IPO7: variants seen among roughly 807,000 people sequenced by gnomAD.
IPO7 encodes the protein importin 7.
In IPO7, 13 loss-of-function variants were observed where a neutral mutation model predicts 136.4. The ratio of observed to expected loss-of-function variants is 0.10; its 90% CI spans 0.06 to 0.15. IPO7 has a LOEUF of 0.15. Among genes scored for constraint, IPO7 ranks in the 10% least tolerant of loss-of-function variants. The pLI, the probability that IPO7 is intolerant of heterozygous loss-of-function variation, is 1.00. For missense variants in IPO7, 857 were observed against 1,240.6 expected (o/e 0.69, Z 4.65); for synonymous variants, 403 against 404.4 (o/e 1.00, Z 0.04).
intron 5 of IPO7, among the ~76,000 whole-genome samples, chr11:9,415,870 G>C (rs971605644): frequency 6.6e-6 from 1 of 151,978 alleles, no homozygotes; most frequent in Admixed American, 6.6e-5. Context: ...AAAAGAAATG[G>C]TTGGGTCAGT....
chr11:9,440,265 G>A (rs916504005), intron 22 of IPO7, among the ~76,000 whole-genome samples, 190 bp from the exon 23 acceptor site: 1 of 152,060 alleles, frequency 6.6e-6, no homozygotes, highest in South Asian at 2.1e-4. Context: ...AATCAAGGTT[G>A]GTTTTCTTGG....
intron 1 of IPO7, among the ~76,000 whole-genome samples, chr11:9,391,066 G>A (rs1283644472): frequency 3.3e-5 from 5 of 152,132 alleles, no homozygotes; most frequent in East Asian, 1.9e-4. Context: ...CACAGCGCCC[G>A]GCTGCTAAAT....
At chr11:9,395,953 C>G (rs556618829) in intron 1 of IPO7, among the ~76,000 whole-genome samples, 1 of 151,638 alleles carries the variant, frequency 6.6e-6, no homozygotes, top group Non-Finnish European at 1.5e-5. Context: ...GAACTCCTGA[C>G]CTCAGGTGAT....
At position 9,409,850 on chromosome 11, in the gene IPO7, A is replaced by G. The variant is rs911826168; in HGVS notation, c.321-78A>G. Reference sequence around the variant, plus strand: ...TTTTGAAATTAGATTTTGTCTAAACAGCTATTTTCCTTTCTATGGGTTAGC... The same window carrying G: ...TTTTGAAATTAGATTTTGTCTAAACGGCTATTTTCCTTTCTATGGGTTAGC... On this transcript the variant is annotated intron_variant, in intron 3 of 24. Coordinates refer to ENST00000379719, the MANE Select transcript of IPO7 (RefSeq NM_006391.3). 8.6e-6 allele frequency: 9 copies of G among 1,040,840 alleles called. No homozygotes were observed. In the Admixed American group the frequency reaches 8.8e-5, roughly 10 times the overall value. 64.5% of individuals were successfully genotyped at this position (1,040,840 alleles called of 1,614,324 possible).
rs773555364 is a variant in IPO7 at position 9,437,898 on chromosome 11, C to T, written c.2413C>T (p.Arg805Cys). Reference protein sequence around the residue: ...HLLLNTLENLRFPNNVEPVTN... With the variant: ...HLLLNTLENLCFPNNVEPVTN... ...ACTACTCAATACCTTAGAAAATCTT[C>T]GCTTCCCTAATAATGTTGAACCAGT... The change falls in exon 21 of 25, where the codon CGC (arginine) becomes TGC (cysteine). Residue 805 changes from arginine (R) to cysteine (C), a missense_variant. By Grantham distance (180) the Arg-to-Cys change is radical. This residue lies in a region of IPO7 where 190 missense variants were observed against 249.0 expected (regional missense o/e 0.76). Coordinates refer to ENST00000379719, the MANE Select transcript of IPO7 (RefSeq NM_006391.3). 1.1e-5 allele frequency: 17 copies of T among 1,613,666 alleles called. No individual in the cohort carries two copies. The highest frequency in any genetic ancestry group is 5.3e-5 in the African/African-American group (4 of 74,892).
chr11:9,402,399 CAAAAAAAAAAAAAAA>C (rs71062846), intron 1 of IPO7, among the ~76,000 whole-genome samples: 12 of 44,858 alleles, frequency 2.7e-4, no homozygotes, highest in African/African-American at 4.8e-4. Flanking sequence ...GACTGTGTCT[CAAAAAAAAAAAAAAA>C]AAAAAAAAAA....
intron 1 of IPO7, among the ~76,000 whole-genome samples, chr11:9,397,633 G>A (rs1233715821): frequency 6.6e-6 from 1 of 151,732 alleles, no homozygotes; most frequent in Non-Finnish European, 1.5e-5. Context: ...AAACTTCAGT[G>A]TTGGGATCTC....
At chr11:9,424,446 C>T (rs1235843300) in intron 10 of IPO7, among the ~76,000 whole-genome samples, 1 of 152,114 alleles carries the variant, frequency 6.6e-6, no homozygotes, top group African/African-American at 2.4e-5. Flanking sequence ...CATGGATTAA[C>T]ATTTAATTTT....
chr11:9,388,585 A>G (rs1002386178), intron 1 of IPO7, among the ~76,000 whole-genome samples: 13 of 150,598 alleles, frequency 8.6e-5, no homozygotes, highest in Non-Finnish European at 1.5e-4. Flanking sequence ...CTCAAGCAAC[A>G]CTCCCACTTC....
intron 2 of IPO7, among the ~76,000 whole-genome samples, chr11:9,406,172 C>T (rs1391669373): frequency 1.8e-5 from 2 of 112,712 alleles, no homozygotes; most frequent in African/African-American, 7.0e-5. Flanking sequence ...CGGCTGGTTT[C>T]GGCTTCCAAA....
chr11:9,429,638 G>T, intron 14 of IPO7, 36 bp from the exon 15 acceptor site: 1 of 1,558,730 alleles, frequency 6.4e-7, no homozygotes, highest in Non-Finnish European at 8.7e-7. Flanking sequence ...GAAGTTTTAG[G>T]GGTTTTACGC....
chr11:9,387,057 T>A (rs533749675), intron 1 of IPO7, among the ~76,000 whole-genome samples: 1 of 152,330 alleles, frequency 6.6e-6, no homozygotes, highest in South Asian at 2.1e-4. Context: ...GAACATTGAT[T>A]TGGGAGACAG....
At chr11:9,403,590 A>G in intron 2 of IPO7, 1 of 479,218 alleles carries the variant, frequency 2.1e-6, no homozygotes, top group Non-Finnish European at 3.6e-6. Flanking sequence ...GAAGCTTCAA[A>G]TAGAAATTGA....
intron 13 of IPO7, 192 bp downstream of exon 13, chr11:9,428,821 C>T: frequency 1.3e-6 from 1 of 783,218 alleles, no homozygotes; most frequent in Non-Finnish European, 2.4e-6. Context: ...CAGTGTCTGT[C>T]TGTGTTTTTC....
At chr11:9,427,961 G>A (rs1379038953) in intron 12 of IPO7, among the ~76,000 whole-genome samples, 1 of 152,054 alleles carries the variant, frequency 6.6e-6, no homozygotes, top group Non-Finnish European at 1.5e-5. Flanking sequence ...GCAGTTTAAG[G>A]AACTCTTCTA....
chr11:9,387,076 C>G (rs1452725100), intron 1 of IPO7, among the ~76,000 whole-genome samples: 1 of 152,128 alleles, frequency 6.6e-6, no homozygotes, highest in Non-Finnish European at 1.5e-5. Flanking sequence ...AGATCTCAGA[C>G]AAGTCTTGAA....
At chr11:9,404,350 A>G (rs1854845228) in intron 2 of IPO7, among the ~76,000 whole-genome samples, 1 of 151,378 alleles carries the variant, frequency 6.6e-6, no homozygotes, top group South Asian at 2.1e-4. Flanking sequence ...CTGTAGTCCC[A>G]GCTACTCGGG....
Position 9,425,198 on chromosome 11 carries a change from C to T in IPO7, c.1271C>T (p.Ala424Val), listed in dbSNP as rs1424519192. 6.2e-7 allele frequency: 1 copy of T among 1,612,124 alleles called. No individual in the cohort carries two copies. The part of the protein sequence containing the change: ...FCYQILTEPN[A>V]DPRKKDGALH... ...TACCAGATTCTTACAGAACCAAATG[C>T]TGACCCTCGAAAAAAAGATGGAGCC... The change falls in exon 12 of 25, where the codon GCT (alanine) becomes GTT (valine). Residue 424 changes from alanine (A) to valine (V), a missense_variant. Around this residue, in one of 11 missense-constraint regions of IPO7, gnomAD observed 127 missense variants for 222.4 expected, o/e 0.57. Coordinates refer to ENST00000379719, the MANE Select transcript of IPO7 (RefSeq NM_006391.3).
rs1240475142 is a variant in IPO7 at position 9,433,475 on chromosome 11, CTTTATA to C, written c.1882-90_1882-85del. The C allele has an allele frequency of 5.2e-6, 4 of 769,450 alleles. No homozygotes were observed. In the African/African-American group the frequency reaches 5.3e-5, roughly 10 times the overall value. The allele number at this position is 769,450 out of a possible 1,614,324, so 47.7% of individuals were successfully genotyped here. Reference sequence around the variant, plus strand: ...AGACTTATTTTTTTCACAATATTGACTTTATATTTAAGTGTACTGAATTATAATATG... The same window carrying C: ...AGACTTATTTTTTTCACAATATTGACTTTAAGTGTACTGAATTATAATATG... On this transcript the variant is annotated intron_variant, in intron 16 of 24. Transcript: ENST00000379719.
Sources: allele counts gnomAD v4.1 joint callset (sites outside exome capture counted in the v4.1 genomes callset), GRCh38; gene constraint gnomAD v4.1.1; regional missense constraint gnomAD v4.1.1; transcripts MANE v1.5; gene names NCBI Gene and HGNC (gene_info 2026-07-23, HGNC 2026-07-21).